The following ILDR1 variants were observed in gnomAD, a reference collection of about 807,000 sequenced individuals.
ILDR1 encodes immunoglobulin-like domain-containing receptor 1.
ILDR1 carries 56 observed loss-of-function variants against 62.4 expected under a neutral mutation model. The observed-to-expected ratio is 0.90, with a 90% CI of 0.72 to 1.12. The LOEUF is 1.12. Ranked by LOEUF, ILDR1 falls within the 50% of genes most tolerant of loss-of-function variation. ILDR1 has a pLI of 0.00. For missense variants in ILDR1, 736 were observed against 710.6 expected (o/e 1.04, Z -0.41); for synonymous variants, 284 against 277.8 (o/e 1.02, Z -0.22).
At position 122,008,618 on chromosome 3, in the gene ILDR1, G is replaced by C. The variant is rs112063603; in HGVS notation, c.59-1457C>G. Among the ~76,000 whole-genome samples the C allele has an allele frequency of 9.4e-3, 1,210 of 129,296 alleles. 18 individuals carry two copies. Among genetic ancestry groups the C allele is most frequent in the African/African-American group, 0.034 (1,114 of 32,978 alleles). The allele number at this position is 129,296 out of a possible 152,430, so 84.8% of individuals were successfully genotyped here. A position where few individuals can be genotyped will look rare whatever the true frequency, so the allele number is the denominator to read the frequency against. ...CTTTTTTTTTTTTTTTTTTGAGATA[G>C]AGTCTCGCTCTGTCACTCAGGCTGG... On this transcript the variant is annotated intron_variant, in intron 1 of 7. Coordinates refer to ENST00000344209, the MANE Select transcript of ILDR1 (RefSeq NM_001199799.2).
At chr3:122,018,813 G>A (rs1439392055) in intron 1 of ILDR1, among the ~76,000 whole-genome samples, 2 of 152,284 alleles carry the variant, frequency 1.3e-5, no homozygotes, top group East Asian at 3.9e-4. Context: ...GAGCAGCTGA[G>A]TGGACAGTCT....
the ILDR1 span, among the ~76,000 whole-genome samples, chr3:122,054,737 T>C: frequency 6.6e-6 from 1 of 152,242 alleles, no homozygotes; most frequent in Non-Finnish European, 1.5e-5. Context: ...TCTTCTAGTA[T>C]AGTTTCTGCT....
chr3:122,049,520 G>T, the ILDR1 span, among the ~76,000 whole-genome samples: 1 of 152,128 alleles, frequency 6.6e-6, no homozygotes, highest in East Asian at 1.9e-4. Context: ...TCTCCCTTCA[G>T]TTCTGCCAAT....
chr3:122,018,394 TGG>T (rs535294009), intron 1 of ILDR1, among the ~76,000 whole-genome samples: 6 of 51,946 alleles, frequency 1.2e-4, no homozygotes, highest in African/African-American at 2.8e-4. Flanking sequence ...CCTGTTGGGG[TGG>T]GGGGGGGGTA....
chr3:122,007,607 G>A (rs1012776193), intron 1 of ILDR1, among the ~76,000 whole-genome samples: 20 of 152,070 alleles, frequency 1.3e-4, no homozygotes, highest in East Asian at 7.7e-4. Flanking sequence ...TGCCCTTCTC[G>A]TCTGCCCCGT....
intron 1 of ILDR1, among the ~76,000 whole-genome samples, chr3:122,009,984 T>C (rs2071679658): frequency 6.6e-6 from 1 of 152,210 alleles, no homozygotes; most frequent in South Asian, 2.1e-4. Context: ...ATAGAGACTC[T>C]GCGGCAGTGC....
chr3:121,989,707 TGAG>T (rs1408607557), intron 7 of ILDR1, among the ~76,000 whole-genome samples: 2 of 152,196 alleles, frequency 1.3e-5, no homozygotes, highest in East Asian at 3.9e-4. Context: ...AGACCTGAAT[TGAG>T]AAGATCTTGG....
chr3:122,052,613 G>A, the ILDR1 span, among the ~76,000 whole-genome samples: 5 of 152,172 alleles, frequency 3.3e-5, no homozygotes, highest in South Asian at 1.0e-3. Context: ...TCGCTTCTTC[G>A]CCCAGGCTGG....
At position 121,987,994 on chromosome 3, in the gene ILDR1, C is replaced by T. The variant is rs1248688619; in HGVS notation, c.*373G>A. 8.3e-6 allele frequency: 3 copies of T among 361,246 alleles called. No homozygotes were observed. The highest frequency in any genetic ancestry group is 3.8e-5 in the Admixed American group (1 of 26,594). The allele number at this position is 361,246 out of a possible 1,614,324, so 22.4% of individuals were successfully genotyped here. Reference sequence around the variant, plus strand: ...ATCATGGGATCCTGGCTCATTGCAGCCTTGCACTCCTGGGCTCAAGGGATC... The same window carrying T: ...ATCATGGGATCCTGGCTCATTGCAGTCTTGCACTCCTGGGCTCAAGGGATC... On this transcript the variant is annotated 3_prime_UTR_variant, in exon 8 of 8. Coordinates refer to ENST00000344209, the MANE Select transcript of ILDR1 (RefSeq NM_001199799.2).
chr3:122,001,378 G>A lies in ILDR1; in HGVS notation c.576C>T (p.Cys192=). 6.2e-7 allele frequency: 1 copy of A among 1,614,126 alleles called. No homozygotes were observed. The highest frequency in any genetic ancestry group is 2.2e-5 in the East Asian group (1 of 44,882). The change falls in exon 5 of 8, where the codon TGC becomes TGT. Residue 192 remains cysteine, a synonymous_variant. Transcript: ENST00000344209. ...LLLIGVCWCQ[C]CPQYCCCYIR... is the part of the protein sequence containing the mutation. ...TATAGCAGCAGCAATACTGAGGACAGCACTGGCACCAGCACACTCCAATCA... is the reference window on the plus strand; with the variant it reads ...TATAGCAGCAGCAATACTGAGGACAACACTGGCACCAGCACACTCCAATCA...
rs1371480051 is a variant in ILDR1 at position 122,005,263 on chromosome 3, G to GCGCTGC, written c.354_359dup (p.Gln119_Arg120dup). 7.4e-7 allele frequency: 1 copy of GCGCTGC among 1,356,356 alleles called. No individual in the cohort carries two copies. The highest frequency in any genetic ancestry group is 9.9e-7 in the Non-Finnish European group (1 of 1,011,028). The allele number at this position is 1,356,356 out of a possible 1,614,324, so 84.0% of individuals were successfully genotyped here. On this transcript the variant is annotated inframe_insertion, in exon 3 of 8. Transcript: ENST00000344209. ...ACTCACGGTTCTGGATGGTGATCTT[G>GCGCTGC]CGCTGCCGGTAATCTACCCCCAGCA... is the stretch of plus-strand genomic sequence containing the variant.
chr3:122,008,869 A>C (rs1268896236), intron 1 of ILDR1, among the ~76,000 whole-genome samples: 1 of 151,692 alleles, frequency 6.6e-6, no homozygotes, highest in African/African-American at 2.4e-5. Flanking sequence ...CTGGGATTAC[A>C]GGTGTGAGCC....
intron 5 of ILDR1, among the ~76,000 whole-genome samples, chr3:121,995,528 A>C (rs915032200): frequency 1.3e-5 from 2 of 152,200 alleles, no homozygotes; most frequent in African/African-American, 4.8e-5. Flanking sequence ...GTTGTAACAG[A>C]GTCCCCAGAA....
At chr3:122,038,759 G>C in the ILDR1 span, among the ~76,000 whole-genome samples, 1 of 152,088 alleles carries the variant, frequency 6.6e-6, no homozygotes, top group East Asian at 1.9e-4. Flanking sequence ...TAGCATGTAA[G>C]CTCAGACAGA....
At chr3:122,045,168 G>C in the ILDR1 span, among the ~76,000 whole-genome samples, 1 of 149,948 alleles carries the variant, frequency 6.7e-6, no homozygotes, top group Non-Finnish European at 1.5e-5. Flanking sequence ...CCTTCATTTC[G>C]TTATGTACCC....
At chr3:122,043,241 T>C in the ILDR1 span, among the ~76,000 whole-genome samples, 1 of 150,822 alleles carries the variant, frequency 6.6e-6, no homozygotes. Flanking sequence ...TGCGGCGTTA[T>C]TTCTGAGGGC....
chr3:122,053,211 T>C, the ILDR1 span, among the ~76,000 whole-genome samples: 1 of 152,194 alleles, frequency 6.6e-6, no homozygotes, highest in Non-Finnish European at 1.5e-5. Flanking sequence ...TAATGACTAG[T>C]GGTTTTGAGC....
At chr3:121,995,146 A>T (rs1171856625) in intron 5 of ILDR1, among the ~76,000 whole-genome samples, 3 of 152,192 alleles carry the variant, frequency 2.0e-5, no homozygotes, top group Non-Finnish European at 4.4e-5. Context: ...ACAAATTAAA[A>T]ACAAAAGCAT....
intron 3 of ILDR1, 30 bp downstream of exon 3, chr3:122,005,214 C>CCCAT: frequency 7.7e-7 from 1 of 1,293,868 alleles, no homozygotes; most frequent in East Asian, 2.4e-5. Flanking sequence ...CCCCCACCCC[C>CCCAT]AGTTCCCCTG....
Sources: gnomAD v4.1 joint callset for allele counts (sites outside exome capture counted in the v4.1 genomes callset) on GRCh38, gnomAD v4.1.1 for gene constraint, MANE v1.5 for transcripts, NCBI Gene and HGNC (gene_info 2026-07-23, HGNC 2026-07-21) for gene names.